The following RABGEF1 variants were observed in gnomAD, a reference collection of about 807,000 sequenced individuals.
RABGEF1 encodes rab5 GDP/GTP exchange factor.
RABGEF1 carries 26 observed loss-of-function variants against 57.3 expected under a neutral mutation model. The observed-to-expected ratio is 0.45, with a 90% CI of 0.33 to 0.63. The LOEUF (loss-of-function observed/expected upper bound fraction) is 0.63, where lower values mean the gene tolerates loss of function less well. Ranked by LOEUF, RABGEF1 falls within the 20% of genes least tolerant of loss-of-function variation. The pLI is 0.02. For synonymous variants in RABGEF1, 185 were observed against 210.7 expected (o/e 0.88, Z 1.06); for missense variants, 464 against 607.6 (o/e 0.76, Z 2.48).
intron 2 of RABGEF1, among the ~76,000 whole-genome samples, chr7:66,727,291 T>C (rs1247941373): frequency 3.3e-5 from 5 of 152,232 alleles, no homozygotes; most frequent in Admixed American, 2.0e-4. Context: ...CCCTGGTTCT[T>C]GTCCGTGGGA....
At chr7:66,679,991 G>A (rs1789583483), upstream of RABGEF1, among the ~76,000 whole-genome samples, 1 of 152,132 alleles carries the variant, frequency 6.6e-6, no homozygotes, top group Non-Finnish European at 1.5e-5. Flanking sequence ...GGAGTGTGCT[G>A]AGATTGCAAT....
chr7:66,775,399 G>A lies in RABGEF1; in HGVS notation c.346+6G>A. 6.2e-7 allele frequency: 1 copy of A among 1,612,510 alleles called. No individual in the cohort carries two copies. On this transcript the variant is annotated splice_donor_region_variant and intron_variant, in intron 3 of 8. Coordinates refer to ENST00000284957, the MANE Select transcript of RABGEF1 (RefSeq NM_014504.3). ...CAGGGTCGGATCAAAGAAGGGTAAT[G>A]TTCTGATACTCTTTTTTTTCTTCTC...
At chr7:66,672,144 C>T in the RABGEF1 span, among the ~76,000 whole-genome samples, 2 of 151,454 alleles carry the variant, frequency 1.3e-5, no homozygotes, top group African/African-American at 2.4e-5. Context: ...AAAACCTGGC[C>T]GGGCACGGTG....
At chr7:66,763,316 C>G (rs1038820797) in intron 1 of RABGEF1, among the ~76,000 whole-genome samples, 12 of 152,200 alleles carry the variant, frequency 7.9e-5, no homozygotes, top group African/African-American at 2.9e-4. Context: ...CTTCCAGATG[C>G]ACTCGTGTTG....
the RABGEF1 span, among the ~76,000 whole-genome samples, chr7:66,670,156 C>G: frequency 6.6e-6 from 1 of 152,194 alleles, no homozygotes; most frequent in Non-Finnish European, 1.5e-5. Context: ...TCACCATGAC[C>G]TGGTGCTGCC....
intron 1 of RABGEF1, among the ~76,000 whole-genome samples, chr7:66,699,078 G>A (rs936285479): frequency 1.3e-5 from 2 of 152,140 alleles, no homozygotes; most frequent in Non-Finnish European, 2.9e-5. Flanking sequence ...ATATCTGGCT[G>A]GCCTTGGGAG....
At chr7:66,726,387 C>T (rs1431959374) in intron 2 of RABGEF1, among the ~76,000 whole-genome samples, 1 of 152,018 alleles carries the variant, frequency 6.6e-6, no homozygotes, top group African/African-American at 2.4e-5. Context: ...TTAAGAGGGA[C>T]AGGGTCTTGC....
At chr7:66,781,855 T>C (rs1206989536) in intron 3 of RABGEF1, among the ~76,000 whole-genome samples, 1 of 152,240 alleles carries the variant, frequency 6.6e-6, no homozygotes, top group Non-Finnish European at 1.5e-5. Context: ...CCTCTCCCTG[T>C]GCCAAGACTT....
At chr7:66,789,669 C>T (rs1344205522) in intron 4 of RABGEF1, among the ~76,000 whole-genome samples, 1 of 102,962 alleles carries the variant, frequency 9.7e-6, no homozygotes, top group South Asian at 3.6e-4. Context: ...AGCATCGGAG[C>T]GAGACTCTAT....
chr7:66,662,007 T>C, the RABGEF1 span, among the ~76,000 whole-genome samples: 4 of 152,084 alleles, frequency 2.6e-5, no homozygotes, highest in East Asian at 7.7e-4. Flanking sequence ...CTCAGCACTT[T>C]GGGAGGCCGA....
rs1434491052 is a variant in RABGEF1 at position 66,810,263 on chromosome 7, T to C, written c.*979T>C. The C allele has an allele frequency of 2.0e-5, 3 of 152,234 alleles. No homozygotes were observed. Among genetic ancestry groups the C allele is most frequent in the Non-Finnish European group, 2.9e-5 (2 of 68,052 alleles). The allele number at this position is 152,234 out of a possible 1,614,324, so 9.4% of individuals were successfully genotyped here. Reference sequence around the variant, plus strand: ...TGTTTTCTGAACCTTTTTCAGGACATTTCAACCTCGGGACTATTCATATTA... The same window carrying C: ...TGTTTTCTGAACCTTTTTCAGGACACTTCAACCTCGGGACTATTCATATTA... On this transcript the variant is annotated 3_prime_UTR_variant, in exon 9 of 9. Coordinates refer to ENST00000284957, the MANE Select transcript of RABGEF1 (RefSeq NM_014504.3).
chr7:66,741,412 C>T (rs1190481738), intron 1 of RABGEF1, among the ~76,000 whole-genome samples: 3 of 152,168 alleles, frequency 2.0e-5, no homozygotes, highest in African/African-American at 7.2e-5. Context: ...TCCCTGCTTC[C>T]GAACCGTCTG....
At chr7:66,748,220 A>G (rs943811259) in intron 1 of RABGEF1, among the ~76,000 whole-genome samples, 1 of 152,238 alleles carries the variant, frequency 6.6e-6, no homozygotes, top group Non-Finnish European at 1.5e-5. Context: ...AGACGGTGAC[A>G]TAACATCAAA....
At chr7:66,804,844 T>C (rs1788090178) in intron 7 of RABGEF1, among the ~76,000 whole-genome samples, 1 of 151,824 alleles carries the variant, frequency 6.6e-6, no homozygotes, top group Non-Finnish European at 1.5e-5. Flanking sequence ...TCATTTAACC[T>C]CTCTGAACTT....
At chr7:66,744,543 C>G (rs1276020718) in intron 1 of RABGEF1, among the ~76,000 whole-genome samples, 2 of 151,644 alleles carry the variant, frequency 1.3e-5, no homozygotes, top group African/African-American at 2.4e-5. Flanking sequence ...TGGCAGGCGC[C>G]TGTAGTCCCA....
At chr7:66,710,491 G>A (rs1443325774) in intron 1 of RABGEF1, among the ~76,000 whole-genome samples, 6 of 152,142 alleles carry the variant, frequency 3.9e-5, no homozygotes, top group Admixed American at 2.0e-4. Context: ...ACCATTTTGC[G>A]CTCCCTCTAG....
upstream of RABGEF1, chr7:66,682,048 C>CAG (rs1230404843): frequency 3.5e-3 from 580 of 166,414 alleles, 4 homozygotes; most frequent in African/African-American, 0.013. Context: ...CTCCCGTCAT[C>CAG]AGCCAAAGGC....
At chr7:66,751,262 C>T (rs774507329) in intron 1 of RABGEF1, among the ~76,000 whole-genome samples, 1 of 152,202 alleles carries the variant, frequency 6.6e-6, no homozygotes, top group Non-Finnish European at 1.5e-5. Flanking sequence ...ATCTCCTGAC[C>T]TCAGGTGATC....
At chr7:66,790,568 G>A (rs909174885) in intron 4 of RABGEF1, among the ~76,000 whole-genome samples, 18 of 152,284 alleles carry the variant, frequency 1.2e-4, no homozygotes, top group Admixed American at 1.0e-3. Context: ...CCTTAGCGCC[G>A]CCCTTGTTGA....
Sources: gnomAD v4.1 joint callset for allele counts (sites outside exome capture counted in the v4.1 genomes callset) on GRCh38, gnomAD v4.1.1 for gene constraint, MANE v1.5 for transcripts, NCBI Gene and HGNC (gene_info 2026-07-23, HGNC 2026-07-21) for gene names.